The following PARP8 variants were observed in gnomAD, a reference collection of about 807,000 sequenced individuals.
The protein encoded by PARP8 is poly(ADP-ribose) polymerase family member 8.
PARP8 carries 51 observed loss-of-function variants against 124.1 expected under a neutral mutation model. The observed-to-expected ratio is 0.41, with a 90% CI of 0.33 to 0.52. The LOEUF is 0.52. Among genes scored for constraint, PARP8 ranks in the 20% least tolerant of loss-of-function variants. The pLI, the probability that PARP8 is intolerant of heterozygous loss-of-function variation, is 0.21. For missense variants in PARP8, 860 were observed against 1,018.9 expected (o/e 0.84, Z 2.12); for synonymous variants, 391 against 361.5 (o/e 1.08, Z -0.93).
At chr5:50,789,640 T>C (rs1741720974) in intron 10 of PARP8, among the ~76,000 whole-genome samples, 1 of 152,216 alleles carries the variant, frequency 6.6e-6, no homozygotes, top group Non-Finnish European at 1.5e-5. Context: ...CGTACCTCAG[T>C]TCGCCATGGT....
intron 2 of PARP8, among the ~76,000 whole-genome samples, chr5:50,698,000 G>C (rs1424775701): frequency 6.6e-6 from 1 of 151,932 alleles, no homozygotes; most frequent in Admixed American, 6.6e-5. Flanking sequence ...AAAGCCTTCT[G>C]TCTCTCTCTC....
intron 16 of PARP8, among the ~76,000 whole-genome samples, chr5:50,821,854 C>T (rs1745797536): frequency 6.6e-6 from 1 of 152,170 alleles, no homozygotes; most frequent in Non-Finnish European, 1.5e-5. Flanking sequence ...GGCAACAGCG[C>T]ACATATTTAG....
chr5:50,685,076 A>T (rs7702060), intron 2 of PARP8, among the ~76,000 whole-genome samples: 2,110 of 152,226 alleles, frequency 0.014, 50 homozygotes, highest in African/African-American at 0.048. Flanking sequence ...ATTTAGTTTT[A>T]AAATGTTATT....
intron 2 of PARP8, among the ~76,000 whole-genome samples, chr5:50,697,408 G>A (rs1753149944): frequency 2.0e-5 from 3 of 152,182 alleles, no homozygotes; most frequent in Admixed American, 2.0e-4. Context: ...TGTGCAGCAG[G>A]ATTTTAAAGA....
intron 7 of PARP8, among the ~76,000 whole-genome samples, chr5:50,775,322 AG>A (rs1275163738): frequency 6.6e-6 from 1 of 152,232 alleles, no homozygotes; most frequent in Non-Finnish European, 1.5e-5. Flanking sequence ...CGGGAGGCCG[AG>A]GTGGGCAGAT....
At chr5:50,777,463 A>G (rs1176854524) in intron 7 of PARP8, among the ~76,000 whole-genome samples, 1 of 152,126 alleles carries the variant, frequency 6.6e-6, no homozygotes, top group Non-Finnish European at 1.5e-5. Context: ...CTTAAGAAGT[A>G]TGTTGGTTCG....
At chr5:50,707,405 C>T (rs1276953976) in intron 2 of PARP8, among the ~76,000 whole-genome samples, 1 of 151,858 alleles carries the variant, frequency 6.6e-6, no homozygotes, top group Admixed American at 6.6e-5. Context: ...ATTTTTTGTA[C>T]TCATTTCACA....
chr5:50,679,809 T>C (rs1751072785), intron 2 of PARP8, among the ~76,000 whole-genome samples: 1 of 152,222 alleles, frequency 6.6e-6, no homozygotes, highest in Admixed American at 6.5e-5. Flanking sequence ...TCTTTTGATA[T>C]GTGTTTTAGA....
chr5:50,737,285 A>T (rs1757564277), intron 2 of PARP8, among the ~76,000 whole-genome samples: 1 of 152,146 alleles, frequency 6.6e-6, no homozygotes, highest in African/African-American at 2.4e-5. Flanking sequence ...AATGAAAATT[A>T]TTTTAAATAT....
intron 2 of PARP8, among the ~76,000 whole-genome samples, chr5:50,670,148 A>G (rs1749841178): frequency 6.6e-6 from 1 of 152,210 alleles, no homozygotes; most frequent in Non-Finnish European, 1.5e-5. Flanking sequence ...TCTTATCCTG[A>G]CATTTCAGTC....
intron 2 of PARP8, among the ~76,000 whole-genome samples, chr5:50,717,843 G>A (rs1755481076): frequency 6.6e-6 from 1 of 151,774 alleles, no homozygotes; most frequent in Non-Finnish European, 1.5e-5. Flanking sequence ...TTGCTACTGA[G>A]AGTTCAGCTG....
chr5:50,705,997 C>G (rs1322627164), intron 2 of PARP8, among the ~76,000 whole-genome samples: 1 of 152,138 alleles, frequency 6.6e-6, no homozygotes. Context: ...GTGCTAGACT[C>G]TCTTGAGGGT....
chr5:50,749,109 C>T (rs1758935438), intron 2 of PARP8, among the ~76,000 whole-genome samples: 2 of 152,222 alleles, frequency 1.3e-5, no homozygotes, highest in East Asian at 3.9e-4. Flanking sequence ...ACACTTGGAT[C>T]TTCTTTTCTC....
At chr5:50,810,084 TC>T (rs1291365465) in intron 14 of PARP8, among the ~76,000 whole-genome samples, 2 of 152,048 alleles carry the variant, frequency 1.3e-5, no homozygotes, top group African/African-American at 4.8e-5. Context: ...GTTGAAAACT[TC>T]TAAAATATAT....
At chr5:50,785,282 T>A (rs1366336999) in intron 9 of PARP8, among the ~76,000 whole-genome samples, 2 of 152,198 alleles carry the variant, frequency 1.3e-5, no homozygotes. Flanking sequence ...GTTTTGGTCT[T>A]TGTATTATTA....
intron 12 of PARP8, among the ~76,000 whole-genome samples, chr5:50,796,128 A>G (rs932998957): frequency 6.6e-6 from 1 of 152,202 alleles, no homozygotes; most frequent in African/African-American, 2.4e-5. Context: ...GACCTATCTT[A>G]TGTATATTAT....
At chr5:50,708,409 C>T (rs1030933250) in intron 2 of PARP8, among the ~76,000 whole-genome samples, 44 of 151,934 alleles carry the variant, frequency 2.9e-4, no homozygotes, top group Non-Finnish European at 1.2e-4. Context: ...AAAGTTGTAT[C>T]GAAGGTCATT....
At chr5:50,823,649 T>C (rs1171010329) in intron 17 of PARP8, among the ~76,000 whole-genome samples, 1 of 152,242 alleles carries the variant, frequency 6.6e-6, no homozygotes, top group Non-Finnish European at 1.5e-5. Flanking sequence ...TGAAAAAGAC[T>C]TTGGTATAAG....
intron 19 of PARP8, 123 bp from the exon 20 acceptor site, chr5:50,827,821 T>G: frequency 1.5e-6 from 1 of 677,866 alleles, no homozygotes; most frequent in Admixed American, 2.7e-5. Context: ...CTAATGTGGT[T>G]AGTGGAAAAT....
Sources: allele counts gnomAD v4.1 joint callset (sites outside exome capture counted in the v4.1 genomes callset), GRCh38; gene constraint gnomAD v4.1.1; transcripts MANE v1.5; gene names NCBI Gene and HGNC (gene_info 2026-07-23, HGNC 2026-07-21).